The following USH2A variants were observed in gnomAD, a reference collection of about 807,000 sequenced individuals.
The protein encoded by USH2A is usherin, also known as Usher syndrome 2A (autosomal recessive, mild).
Under a neutral mutation model 538.9 loss-of-function variants are expected in USH2A, and 443 were observed. That is an observed-to-expected ratio of 0.82 (90% CI 0.76 to 0.89). USH2A has a LOEUF of 0.89. Among genes scored for constraint, USH2A ranks in the 40% least tolerant of loss-of-function variants. The probability of loss-of-function intolerance (pLI) is 0.00; values close to 1 mark genes in which losing one functional copy is unlikely to be tolerated. For missense variants in USH2A, 6,633 were observed against 6,324.8 expected (o/e 1.05, Z -1.65); for synonymous variants, 2,413 against 2,273.5 (o/e 1.06, Z -1.75).
chr1:216,286,338 C>T (rs904225349), intron 11 of USH2A, among the ~76,000 whole-genome samples: 1 of 152,174 alleles, frequency 6.6e-6, no homozygotes, highest in African/African-American at 2.4e-5. Flanking sequence ...GCACTTCTCT[C>T]TTGCCTGCTG....
chr1:216,330,772 A>G (rs2037844791), intron 4 of USH2A, among the ~76,000 whole-genome samples: 1 of 152,096 alleles, frequency 6.6e-6, no homozygotes, highest in Non-Finnish European at 1.5e-5. Flanking sequence ...TTCTGAGACT[A>G]GAATATAGGA....
At chr1:215,736,645 T>C (rs1190596256) in intron 60 of USH2A, among the ~76,000 whole-genome samples, 2 of 151,962 alleles carry the variant, frequency 1.3e-5, no homozygotes, top group Non-Finnish European at 2.9e-5. Context: ...GGAAAGAATA[T>C]AGACAATAAG....
In USH2A at chr1:216,324,149, T is replaced by C. The variant is rs1168570209; in HGVS notation, c.1328+19A>G. On this transcript the variant is annotated intron_variant, in intron 7 of 71. Coordinates refer to ENST00000307340, the MANE Select transcript of USH2A (RefSeq NM_206933.4). ...TAACCAATCAGTCTATTAAATTAAT[T>C]GTTTAAAAATATTCATACTTGGAAA... is the stretch of plus-strand genomic sequence containing the variant. The C allele has an allele frequency of 6.2e-7, 1 of 1,609,098 alleles. No homozygotes were observed. The highest frequency in any genetic ancestry group is 8.5e-7 in the Non-Finnish European group (1 of 1,177,020).
rs546849010 is a variant in USH2A at position 215,721,068 on chromosome 1, T to G, written c.12066+6962A>C. The stretch of plus-strand genomic sequence containing the variant: ...TCAGGTTTTAATTTAGACTGGAGTT[T>G]TTGTTGTTGTTGTTGTTGTTTTTTG... On this transcript the variant is annotated intron_variant, in intron 61 of 71. Coordinates refer to ENST00000307340, the MANE Select transcript of USH2A (RefSeq NM_206933.4). Among the ~76,000 whole-genome samples, 8 of 151,816 alleles carry G rather than the reference T, an allele frequency of 5.3e-5. No homozygotes were observed. The South Asian group carries it at 1.5e-3, about 28-fold the overall frequency.
chr1:215,911,636 T>A (rs889170826), intron 38 of USH2A, among the ~76,000 whole-genome samples: 3 of 152,124 alleles, frequency 2.0e-5, no homozygotes, highest in African/African-American at 7.2e-5. Flanking sequence ...TGCTTCCAAA[T>A]CTTGGCTATT....
chr1:216,330,007 C>T (rs915960426), intron 4 of USH2A, among the ~76,000 whole-genome samples: 1 of 151,958 alleles, frequency 6.6e-6, no homozygotes, highest in South Asian at 2.1e-4. Flanking sequence ...TCAAAGAACC[C>T]AGATCATAAC....
intron 21 of USH2A, among the ~76,000 whole-genome samples, chr1:216,127,128 C>T (rs1269885778): frequency 6.6e-6 from 1 of 152,184 alleles, no homozygotes; most frequent in African/African-American, 2.4e-5. Context: ...CAAGTTGTTA[C>T]TTTCTGAGAA....
intron 9 of USH2A, among the ~76,000 whole-genome samples, chr1:216,295,596 A>G (rs1334312957): frequency 6.6e-6 from 1 of 151,972 alleles, no homozygotes; most frequent in Non-Finnish European, 1.5e-5. Context: ...CAATAAATTC[A>G]AGACAAGATT....
intron 61 of USH2A, among the ~76,000 whole-genome samples, chr1:215,685,902 C>A (rs1426673133): frequency 6.6e-6 from 1 of 152,108 alleles, no homozygotes; most frequent in Non-Finnish European, 1.5e-5. Flanking sequence ...CAAACACGTA[C>A]ATGCAGAGTT....
chr1:215,939,503 T>G (rs956196539), intron 37 of USH2A, among the ~76,000 whole-genome samples: 1 of 152,152 alleles, frequency 6.6e-6, no homozygotes, highest in Non-Finnish European at 1.5e-5. Context: ...ATGTTAACAA[T>G]ATTAATGCCC....
intron 38 of USH2A, among the ~76,000 whole-genome samples, chr1:215,912,481 A>ATATATATACG (rs1558157922): frequency 5.1e-5 from 1 of 19,718 alleles, no homozygotes; most frequent in African/African-American, 1.8e-4. Context: ...ATATACGTAT[A>ATATATATACG]TATATATATG....
intron 70 of USH2A, among the ~76,000 whole-genome samples, chr1:215,634,183 A>T (rs900475819): frequency 2.0e-5 from 3 of 152,196 alleles, no homozygotes; most frequent in African/African-American, 7.2e-5. Flanking sequence ...GAAGAAAAGA[A>T]TACCAATCTT....
At chr1:216,249,309 G>A (rs1341845327) in intron 12 of USH2A, among the ~76,000 whole-genome samples, 1 of 152,026 alleles carries the variant, frequency 6.6e-6, no homozygotes, top group African/African-American at 2.4e-5. Context: ...GCAAATAGTA[G>A]GGATGGCATT....
chr1:215,694,713 C>T (rs1039326616), intron 61 of USH2A, among the ~76,000 whole-genome samples: 11 of 152,200 alleles, frequency 7.2e-5, no homozygotes, highest in Admixed American at 2.0e-4. Flanking sequence ...GTGTATCTGT[C>T]TCTTCACTTG....
chr1:216,198,815 TA>T (rs1465817991), intron 17 of USH2A, among the ~76,000 whole-genome samples: 1 of 152,190 alleles, frequency 6.6e-6, no homozygotes, highest in Non-Finnish European at 1.5e-5. Flanking sequence ...AAAATACTAT[TA>T]AAGGCATACT....
At chr1:216,327,455 T>G in intron 5 of USH2A, 136 bp downstream of exon 5, 1 of 997,922 alleles carries the variant, frequency 1.0e-6, no homozygotes, top group Non-Finnish European at 1.5e-6. Flanking sequence ...AAGCAAACAC[T>G]GTAAACATTA....
At chr1:215,970,571 T>A (rs960306173) in intron 36 of USH2A, 54 bp downstream of exon 36, 28 of 1,610,302 alleles carry the variant, frequency 1.7e-5, no homozygotes, top group Non-Finnish European at 2.3e-5. Flanking sequence ...TTCCTTAATA[T>A]TCAGTGTCAT....
intron 32 of USH2A, among the ~76,000 whole-genome samples, chr1:216,016,322 C>G (rs1668710712): frequency 6.6e-6 from 1 of 151,884 alleles, no homozygotes; most frequent in Admixed American, 6.6e-5. Context: ...TGCACATGTA[C>G]CCTAGAACTT....
intron 46 of USH2A, 81 bp downstream of exon 46, chr1:215,844,213 A>G: frequency 7.2e-7 from 1 of 1,388,656 alleles, no homozygotes; most frequent in Middle Eastern, 2.4e-4. Context: ...CCAAGACAGA[A>G]GATATCCACT....
Sources: allele counts gnomAD v4.1 joint callset (sites outside exome capture counted in the v4.1 genomes callset), GRCh38; gene constraint gnomAD v4.1.1; transcripts MANE v1.5; gene names NCBI Gene and HGNC (gene_info 2026-07-23, HGNC 2026-07-21).